AMPH: variants seen among roughly 807,000 people sequenced by gnomAD.
The protein encoded by AMPH is amphiphysin (Stiff-Mann syndrome with breast cancer 128kD autoantigen).
Under a neutral mutation model 99.1 loss-of-function variants are expected in AMPH, and 49 were observed. The observed-to-expected ratio is 0.49, with a 90% CI of 0.39 to 0.63. The LOEUF is 0.63. AMPH is among the 20% of genes least tolerant of loss of function. The pLI is 0.00. For missense variants in AMPH, 759 were observed against 863.4 expected (o/e 0.88, Z 1.52); for synonymous variants, 314 against 317.3 (o/e 0.99, Z 0.11).
intron 5 of AMPH, among the ~76,000 whole-genome samples, chr7:38,488,765 A>G (rs893433313): frequency 6.6e-6 from 1 of 152,172 alleles, no homozygotes; most frequent in Admixed American, 6.6e-5. Flanking sequence ...AGATACTAAA[A>G]TACTTAAGAA....
intron 3 of AMPH, among the ~76,000 whole-genome samples, chr7:38,498,001 C>T (rs573512443): frequency 6.6e-6 from 1 of 152,282 alleles, no homozygotes; most frequent in East Asian, 1.9e-4. Flanking sequence ...CCAGTGACTC[C>T]CAATTCTAAA....
chr7:38,543,635 T>G (rs1041846679), intron 1 of AMPH, among the ~76,000 whole-genome samples: 2 of 152,212 alleles, frequency 1.3e-5, no homozygotes, highest in Non-Finnish European at 2.9e-5. Flanking sequence ...ATCTTACTGA[T>G]GAGAACACTG....
At chr7:38,437,228 C>T (rs1786303878) in intron 11 of AMPH, among the ~76,000 whole-genome samples, 1 of 152,106 alleles carries the variant, frequency 6.6e-6, no homozygotes, top group Admixed American at 6.5e-5. Context: ...TCAAGTTACA[C>T]AGTAAAGGGC....
At chr7:38,460,350 A>T (rs559093510) in intron 11 of AMPH, among the ~76,000 whole-genome samples, 4 of 152,290 alleles carry the variant, frequency 2.6e-5, no homozygotes, top group East Asian at 3.9e-4. Context: ...TACTTATCCA[A>T]AAGAAAAGAA....
chr7:38,445,225 G>A (rs944104379), intron 11 of AMPH, among the ~76,000 whole-genome samples: 4 of 151,694 alleles, frequency 2.6e-5, no homozygotes, highest in African/African-American at 7.3e-5. Flanking sequence ...CATTTCTAAA[G>A]AAATGAATTC....
rs145129908 is a variant in AMPH, at chr7:38,553,200, G to A, written c.70-18189C>T. Among the ~76,000 whole-genome samples the A allele has an allele frequency of 3.3e-5, 5 of 152,318 alleles. No homozygotes were observed. The East Asian group carries it at 7.7e-4, about 24-fold the overall frequency. On this transcript the variant is annotated intron_variant, in intron 1 of 20. Coordinates refer to ENST00000356264, the MANE Select transcript of AMPH (RefSeq NM_001635.4). ...CCTTGCCTCTTCCGGCCTTGCAGTG[G>A]TTATAGCTTCATGCTATTGTTACTG...
At chr7:38,505,409 C>A (rs1183219304) in intron 2 of AMPH, among the ~76,000 whole-genome samples, 1 of 152,104 alleles carries the variant, frequency 6.6e-6, no homozygotes, top group East Asian at 1.9e-4. Flanking sequence ...TAGGATGAGT[C>A]CATTTGCTGG....
chr7:38,588,012 C>T (rs1304524298), intron 1 of AMPH, among the ~76,000 whole-genome samples: 4 of 151,536 alleles, frequency 2.6e-5, no homozygotes, highest in East Asian at 1.9e-4. Context: ...AATGCAGTGG[C>T]GTGATCTCGG....
Position 38,432,215 on chromosome 7 carries a change from G to A in AMPH, c.1135-3C>T, listed in dbSNP as rs1461024369. 1.2e-6 allele frequency: 2 copies of A among 1,612,028 alleles called. No individual in the cohort carries two copies. Among genetic ancestry groups the A allele is most frequent in the East Asian group, 2.2e-5 (1 of 44,856 alleles). On this transcript the variant is annotated splice_region_variant and splice_polypyrimidine_tract_variant and intron_variant, in intron 12 of 20. Transcript: ENST00000356264. The stretch of plus-strand genomic sequence containing the variant: ...GTCCATAGGTCCCAGGGCAATGTCT[G>A]AAAGCAAATAAACAAAAATACTGTT...
chr7:38,479,759 A>G (rs1359694778), intron 5 of AMPH, among the ~76,000 whole-genome samples: 2 of 152,146 alleles, frequency 1.3e-5, no homozygotes, highest in Non-Finnish European at 2.9e-5. Context: ...AAATTAATAA[A>G]GAAGTATCTA....
intron 5 of AMPH, among the ~76,000 whole-genome samples, 173 bp downstream of exon 5, chr7:38,490,877 T>C (rs903157352): frequency 2.0e-5 from 3 of 152,186 alleles, no homozygotes; most frequent in Non-Finnish European, 4.4e-5. Context: ...TGTAATGACG[T>C]TTCTTTTCAA....
In AMPH at chr7:38,383,869, G is replaced by A. The variant is rs1172130482; in HGVS notation, c.*949C>T. On this transcript the variant is annotated 3_prime_UTR_variant, in exon 21 of 21. Transcript: ENST00000356264. The stretch of plus-strand genomic sequence containing the variant: ...TAGAAAGAGGTGGAAATATAGAGGA[G>A]CTGTTTTTATAGTGTTCTTTTGGGG... 6.6e-6 allele frequency: 1 copy of A among 152,616 alleles called. No individual in the cohort carries two copies. Among genetic ancestry groups the A allele is most frequent in the Non-Finnish European group, 1.5e-5 (1 of 68,046 alleles). 9.5% of individuals were successfully genotyped at this position (152,616 alleles called of 1,614,324 possible).
At chr7:38,462,505 A>G (rs180761672) in intron 10 of AMPH, among the ~76,000 whole-genome samples, 5 of 152,262 alleles carry the variant, frequency 3.3e-5, no homozygotes, top group African/African-American at 9.6e-5. Context: ...CTTCAATTCA[A>G]TTTTATTAAG....
At chr7:38,436,696 C>T (rs375261608) in intron 11 of AMPH, among the ~76,000 whole-genome samples, 2 of 152,160 alleles carry the variant, frequency 1.3e-5, no homozygotes, top group South Asian at 4.1e-4. Context: ...TCCTAATATA[C>T]CAAGATGCAA....
chr7:38,623,379 G>A (rs983069277), intron 1 of AMPH, among the ~76,000 whole-genome samples: 6 of 152,108 alleles, frequency 3.9e-5, no homozygotes, highest in Non-Finnish European at 8.8e-5. Context: ...CATTCCTAGA[G>A]AAAGAAGGAT....
At chr7:38,587,180 T>C (rs1792684887) in intron 1 of AMPH, among the ~76,000 whole-genome samples, 2 of 152,120 alleles carry the variant, frequency 1.3e-5, no homozygotes, top group South Asian at 4.1e-4. Context: ...AATAAACAAA[T>C]CAAGGAGCTG....
chr7:38,575,025 G>A (rs1466154631), intron 1 of AMPH, among the ~76,000 whole-genome samples: 2 of 136,252 alleles, frequency 1.5e-5, no homozygotes, highest in East Asian at 4.3e-4. Context: ...CTGCACTCCA[G>A]CCTGGTGACA....
intron 5 of AMPH, among the ~76,000 whole-genome samples, chr7:38,478,978 A>G (rs951430331): frequency 9.9e-5 from 15 of 152,174 alleles, no homozygotes; most frequent in Non-Finnish European, 1.6e-4. Context: ...AAGACCTACA[A>G]TGTAATATAA....
chr7:38,473,054 T>C (rs1209255752), intron 7 of AMPH, among the ~76,000 whole-genome samples: 1 of 152,166 alleles, frequency 6.6e-6, no homozygotes, highest in Non-Finnish European at 1.5e-5. Context: ...AAATAATAAA[T>C]ATCTGTCTCT....
Sources: gnomAD v4.1 joint callset for allele counts (sites outside exome capture counted in the v4.1 genomes callset) on GRCh38, gnomAD v4.1.1 for gene constraint, MANE v1.5 for transcripts, NCBI Gene and HGNC (gene_info 2026-07-23, HGNC 2026-07-21) for gene names.